JAK3: variants seen among roughly 807,000 people sequenced by gnomAD.
JAK3 encodes the protein tyrosine-protein kinase JAK3.
In JAK3, 88 loss-of-function variants were observed where a neutral mutation model predicts 120.8. The observed-to-expected ratio is 0.73, with a 90% CI of 0.61 to 0.87. JAK3 has a LOEUF of 0.87. Among genes scored for constraint, JAK3 ranks in the 40% least tolerant of loss-of-function variants. The probability of loss-of-function intolerance (pLI) is 0.00; values close to 1 mark genes in which losing one functional copy is unlikely to be tolerated. For missense variants in JAK3, 1,254 were observed against 1,501.4 expected (o/e 0.84, Z 2.72); for synonymous variants, 592 against 628.6 (o/e 0.94, Z 0.87).
rs1297578416 is a variant in JAK3, at chr19:17,841,488, T to C, written c.1043A>G (p.Tyr348Cys). The C allele has an allele frequency of 1.3e-6, 2 of 1,568,488 alleles. No homozygotes were observed. Among genetic ancestry groups the C allele is most frequent in the East Asian group, 4.7e-5 (2 of 42,254 alleles). ...ALSFVALVDGYFRLTTDSQHF... is the reference protein window; with the variant it reads ...ALSFVALVDGCFRLTTDSQHF... Reference sequence around the variant, plus strand: ...CTGGGAGTCCGTGGTCAGCCGGAAGTAGCCGTCCACGAGCGCCACGAACGA... The same window carrying C: ...CTGGGAGTCCGTGGTCAGCCGGAAGCAGCCGTCCACGAGCGCCACGAACGA... Residue 348 changes from tyrosine to cysteine, a missense_variant, in exon 8 of 24, where the codon TAC (tyrosine) becomes TGC (cysteine). Around this residue, in one of 3 missense-constraint regions of JAK3, gnomAD observed 486 missense variants for 503.0 expected, o/e 0.97. Transcript: ENST00000458235. This position sits in a 1 kb window ranked among gnomAD's most constrained non-coding sequence, Gnocchi z 4.1.
chr19:17,834,984 G>GGGGATC lies in JAK3; in HGVS notation c.2061_2066dup (p.Ile688_Pro689dup). The GGGGATC allele has an allele frequency of 6.2e-7, 1 of 1,614,180 alleles. No homozygotes were observed. Among genetic ancestry groups the GGGGATC allele is most frequent in the Non-Finnish European group, 8.5e-7 (1 of 1,180,036 alleles). On this transcript the variant is annotated inframe_insertion, in exon 16 of 24. Coordinates refer to ENST00000458235, the MANE Select transcript of JAK3 (RefSeq NM_000215.4). ...CCCGGAGACACTCGGGGGCCACCCAGGGGATCCTGTCGGTGAGCACTGAGG... is the reference window on the plus strand; with the variant it reads ...CCCGGAGACACTCGGGGGCCACCCAGGGGATCGGGATCCTGTCGGTGAGCACTGAGG...
intron 9 of JAK3, among the ~76,000 whole-genome samples, chr19:17,839,878 C>T (rs946727500): frequency 3.3e-5 from 5 of 151,866 alleles, no homozygotes; most frequent in South Asian, 2.1e-4. Context: ...GTAGCTGGGA[C>T]TACAGATGCC....
At chr19:17,844,808 A>AAAG (rs1303776299) in intron 1 of JAK3, among the ~76,000 whole-genome samples, 1 of 143,674 alleles carries the variant, frequency 7.0e-6, no homozygotes, top group Non-Finnish European at 1.5e-5. Flanking sequence ...AAAAAAAAAA[A>AAAG]AAAAAGAAAG....
chr19:17,834,689 C>G lies in JAK3; in HGVS notation c.2232G>C (p.Leu744=), dbSNP rs2147681770. The change falls in exon 17 of 24, where the codon CTG becomes CTC. Residue 744 remains leucine (L), a synonymous_variant. Transcript: ENST00000458235. ...CCAGCTCTGTCCACTTGGGGGCCGG[C>G]AGCTGCTGCCGGTCCTCATAAAATT... ...KLQFYEDRQQ[L]PAPKWTELAL... 1 of 1,614,164 alleles carries G rather than the reference C, an allele frequency of 6.2e-7. No individual in the cohort carries two copies. Among genetic ancestry groups the G allele is most frequent in the Non-Finnish European group, 8.5e-7 (1 of 1,180,028 alleles).
chr19:17,825,033 C>G lies in JAK3; in HGVS notation c.*1710G>C, dbSNP rs867276878. 4.4e-6 allele frequency: 1 copy of G among 226,612 alleles called. No individual in the cohort carries two copies. The highest frequency in any genetic ancestry group is 2.2e-5 in the African/African-American group (1 of 44,938). The allele number at this position is 226,612 out of a possible 1,614,324, so 14.0% of individuals were successfully genotyped here. On this transcript the variant is annotated 3_prime_UTR_variant, in exon 24 of 24. Coordinates refer to ENST00000458235, the MANE Select transcript of JAK3 (RefSeq NM_000215.4). The stretch of plus-strand genomic sequence containing the variant: ...GATGGATAAGAGTTTTCCAAGGAGG[C>G]AAAAGTGGCAGAAAAGCTTTGCAGG...
intron 1 of JAK3, among the ~76,000 whole-genome samples, chr19:17,847,001 G>A (rs2094253719): frequency 6.6e-6 from 1 of 152,086 alleles, no homozygotes; most frequent in East Asian, 1.9e-4. Flanking sequence ...AGGTTCAAGC[G>A]ATTCTCCTGC....
In JAK3 at chr19:17,843,295, C is replaced by G; in HGVS notation, c.420+85G>C. 1 of 1,524,182 alleles carries G rather than the reference C, an allele frequency of 6.6e-7. No individual in the cohort carries two copies. 94.4% of individuals were successfully genotyped at this position (1,524,182 alleles called of 1,614,324 possible). On this transcript the variant is annotated intron_variant, in intron 4 of 23. Transcript: ENST00000458235. The surrounding 1 kb of genome is among the most constrained non-coding windows in gnomAD (Gnocchi z 5.4). ...CTGGACTGCCACAGGGAGGGTCAGA[C>G]GAGGCCCCACCTGATTGCATGCCAG...
intron 13 of JAK3, among the ~76,000 whole-genome samples, chr19:17,836,287 T>C (rs1454271904): frequency 6.6e-6 from 1 of 152,126 alleles, no homozygotes; most frequent in African/African-American, 2.4e-5. Context: ...ACTTTTTTTT[T>C]TCTCTTTTCT....
In JAK3 at chr19:17,842,587, C is replaced by G. The variant is rs2094242566; in HGVS notation, c.590G>C (p.Ser197Thr). 6.3e-7 allele frequency: 1 copy of G among 1,583,182 alleles called. No homozygotes were observed. The highest frequency in any genetic ancestry group is 8.6e-7 in the Non-Finnish European group (1 of 1,163,872). ...CAGGCCCTGGATCAGGTCGCGCAGG[C>G]TTGGGGGTAGGCAGGCCTTGTAGCT... ...TVSYKACLPPSLRDLIQGLSF... is the reference protein window; with the variant it reads ...TVSYKACLPPTLRDLIQGLSF... The change falls in exon 6 of 24, where the codon AGC becomes ACC. Residue 197 changes from serine (S) to threonine (T), a missense_variant. Physicochemically the swap from Ser to Thr is moderately conservative, Grantham distance 58 (BLOSUM62 1). Coordinates refer to ENST00000458235, the MANE Select transcript of JAK3 (RefSeq NM_000215.4). This position sits in a 1 kb window ranked among gnomAD's most constrained non-coding sequence, Gnocchi z 6.4.
intron 2 of JAK3, among the ~76,000 whole-genome samples, 158 bp from the exon 3 acceptor site, chr19:17,844,058 A>G (rs1205171767): frequency 6.7e-6 from 1 of 150,354 alleles, no homozygotes; most frequent in East Asian, 1.9e-4. Flanking sequence ...TGCACAGGCC[A>G]TTCCCTCTGC....
rs1337417350 is a variant in JAK3 at position 17,830,591 on chromosome 19, ATGT to A, written c.3005_3007del (p.Asn1002del). The A allele has an allele frequency of 3.1e-6, 5 of 1,613,294 alleles. No homozygotes were observed. The highest frequency in any genetic ancestry group is 4.2e-6 in the Non-Finnish European group (5 of 1,179,892). ...CCAGACGTCTGACTGGCGAGAGAAG[ATGT>A]TGTCCGAGAGGGATTCGGGGGCATA... On this transcript the variant is annotated inframe_deletion, in exon 22 of 24. Coordinates refer to ENST00000458235, the MANE Select transcript of JAK3 (RefSeq NM_000215.4).
chr19:17,840,424 T>C, intron 8 of JAK3, 83 bp from the exon 9 acceptor site: 1 of 919,502 alleles, frequency 1.1e-6, no homozygotes, highest in South Asian at 1.4e-5. Context: ...CAGGTACCTC[T>C]GTAGCCCTGG....
Position 17,831,413 on chromosome 19 carries a change from G to A in JAK3, c.2806-13C>T, listed in dbSNP as rs193156379. On this transcript the variant is annotated splice_polypyrimidine_tract_variant and intron_variant, in intron 20 of 23. Coordinates refer to ENST00000458235, the MANE Select transcript of JAK3 (RefSeq NM_000215.4). This position sits in a 1 kb window ranked among gnomAD's most constrained non-coding sequence, Gnocchi z 5.1. ...GGTACTCCATGCCCTGCGGGCGGGC[G>A]GTGTGAGCGTGCAGAGAGGATCCCA... The A allele has an allele frequency of 9.0e-4, 1,440 of 1,601,262 alleles. 10 individuals carry two copies. The African/African-American group carries it at 0.015, about 17-fold the overall frequency.
Position 17,835,205 on chromosome 19 carries a change from C to T in JAK3, c.1925G>A (p.Gly642Asp), listed in dbSNP as rs200641855. 1.2e-6 allele frequency: 2 copies of T among 1,613,946 alleles called. No homozygotes were observed. The highest frequency in any genetic ancestry group is 1.7e-6 in the Non-Finnish European group (2 of 1,180,000). Residue 642 changes from glycine to aspartate, a missense_variant, in exon 15 of 24, where the codon GGC becomes GAC. Gly to Asp is a moderately conservative substitution (Grantham distance 94). Around this residue, in one of 3 missense-constraint regions of JAK3, gnomAD observed 630 missense variants for 819.8 expected, o/e 0.77. Coordinates refer to ENST00000458235, the MANE Select transcript of JAK3 (RefSeq NM_000215.4). The part of the protein sequence containing the change: ...AYALNYLEDK[G>D]LPHGNVSARK... ...GGCAGAGACATTGCCATGGGGCAGG[C>T]CTTTGTCCTCCTAAGGGGGCCAGAC...
At chr19:17,846,345 C>T (rs1424748625) in intron 1 of JAK3, among the ~76,000 whole-genome samples, 2 of 152,068 alleles carry the variant, frequency 1.3e-5, no homozygotes, top group African/African-American at 2.4e-5. Flanking sequence ...ATTGGCACAG[C>T]GGTGTGGTGG....
chr19:17,829,875 C>T (rs1476952912), intron 23 of JAK3: 2 of 605,714 alleles, frequency 3.3e-6, no homozygotes, highest in East Asian at 5.5e-5. Flanking sequence ...GTCTAATCTT[C>T]CCTCACCCTA....
Position 17,841,432 on chromosome 19 carries a change from T to A in JAK3, c.1099A>T (p.Arg367Trp). Residue 367 changes from arginine (R) to tryptophan (W), a missense_variant, in exon 8 of 24, where the codon AGG (arginine) becomes TGG (tryptophan). This residue lies in a region of JAK3 where 486 missense variants were observed against 503.0 expected (regional missense o/e 0.97). Transcript: ENST00000458235. The surrounding 1 kb of genome is among the most constrained non-coding windows in gnomAD (Gnocchi z 4.1). ...HFFCKEVAPPRLLEEVAEQCH... is the reference protein window; with the variant it reads ...HFFCKEVAPPWLLEEVAEQCH... ...TGCTCGGCCACTTCCTCCAGCAGCC[T>A]CGGCGGTGCCACCTCCTTGCAGAAG... 2 of 1,554,054 alleles carry A rather than the reference T, an allele frequency of 1.3e-6. No homozygotes were observed. The highest frequency in any genetic ancestry group is 1.2e-5 in the South Asian group (1 of 84,464).
Position 17,831,665 on chromosome 19 carries a change from C to A in JAK3, c.2805+9G>T. 2 of 1,604,758 alleles carry A rather than the reference C, an allele frequency of 1.2e-6. No homozygotes were observed. The highest frequency in any genetic ancestry group is 1.7e-6 in the Non-Finnish European group (2 of 1,176,638). Reference sequence around the variant, plus strand: ...GAATCCCCACAAGTCCCGGGGCGCCCCCTCGCACCTTGCAGATCTGCGAGG... The same window carrying A: ...GAATCCCCACAAGTCCCGGGGCGCCACCTCGCACCTTGCAGATCTGCGAGG... On this transcript the variant is annotated intron_variant, in intron 20 of 23. Transcript: ENST00000458235. This position sits in a 1 kb window ranked among gnomAD's most constrained non-coding sequence, Gnocchi z 5.1.
rs2094246437 is a variant in JAK3 at position 17,844,147 on chromosome 19, T to C, written c.184+87A>G. 7.9e-6 allele frequency: 11 copies of C among 1,398,812 alleles called. No individual in the cohort carries two copies. The South Asian group carries it at 9.9e-5, about 13-fold the overall frequency. 86.7% of individuals were successfully genotyped at this position (1,398,812 alleles called of 1,614,324 possible). On this transcript the variant is annotated intron_variant, in intron 2 of 23. Transcript: ENST00000458235. ...CCAAAGCCCCAGCTCCGATGCTGAC[T>C]TCTGCAGGCAACTATTCCAGCTTCC... is the stretch of plus-strand genomic sequence containing the variant.
Sources: gnomAD v4.1 joint callset for allele counts (sites outside exome capture counted in the v4.1 genomes callset) on GRCh38, gnomAD v4.1.1 for gene constraint, gnomAD v4.1.1 regional missense constraint, Gnocchi (gnomAD v3.1) non-coding constraint, MANE v1.5 for transcripts, NCBI Gene and HGNC (gene_info 2026-07-23, HGNC 2026-07-21) for gene names.